ARFGEF2: variants seen among roughly 807,000 people sequenced by gnomAD.
The protein encoded by ARFGEF2 is ARF guanine nucleotide exchange factor 2.
ARFGEF2 carries 74 observed loss-of-function variants against 219.9 expected under a neutral mutation model. The ratio of observed to expected loss-of-function variants is 0.34; its 90% confidence interval spans 0.28 to 0.41. ARFGEF2 has a LOEUF of 0.41. Ranked by LOEUF, ARFGEF2 falls within the 10% of genes least tolerant of loss-of-function variation. The pLI, the probability that ARFGEF2 is intolerant of heterozygous loss-of-function variation, is 1.00. For missense variants in ARFGEF2, 1,743 were observed against 2,218.3 expected (o/e 0.79, Z 4.30); for synonymous variants, 733 against 799.2 (o/e 0.92, Z 1.40).
At chr20:48,998,565 T>G (rs542989409) in intron 25 of ARFGEF2, 60 bp downstream of exon 25, 1 of 1,550,878 alleles carries the variant, frequency 6.4e-7, no homozygotes, top group South Asian at 1.1e-5. Flanking sequence ...GACAACTGAA[T>G]TCAAAAAAAG....
At chr20:48,924,144 T>C (rs1473446310) in intron 1 of ARFGEF2, among the ~76,000 whole-genome samples, 3 of 152,218 alleles carry the variant, frequency 2.0e-5, no homozygotes, top group Non-Finnish European at 4.4e-5. Flanking sequence ...GTAGAACACA[T>C]AGCAGAATGC....
chr20:48,996,535 G>A (rs899109251), intron 23 of ARFGEF2, among the ~76,000 whole-genome samples: 5 of 151,472 alleles, frequency 3.3e-5, no homozygotes, highest in Non-Finnish European at 7.4e-5. Flanking sequence ...TCAGGAAATC[G>A]AGACCATCCT....
chr20:48,943,134 C>T (rs920909530), intron 3 of ARFGEF2, among the ~76,000 whole-genome samples: 1 of 152,170 alleles, frequency 6.6e-6, no homozygotes, highest in Non-Finnish European at 1.5e-5. Flanking sequence ...GCACTAACTA[C>T]ACCACTAAAA....
chr20:48,991,202 C>T lies in ARFGEF2; in HGVS notation c.2973+4C>T, dbSNP rs751382166. 6 of 1,614,172 alleles carry T rather than the reference C, an allele frequency of 3.7e-6. No homozygotes were observed. Among genetic ancestry groups the T allele is most frequent in the South Asian group, 2.2e-5 (2 of 91,078 alleles). ...CCTTGGGAATTCCTGGCATGAGGTA[C>T]GTGTCTCTTTGAATTGCCTTTTCTC... On this transcript the variant is annotated splice_donor_region_variant and intron_variant, in intron 21 of 38. Coordinates refer to ENST00000371917, the MANE Select transcript of ARFGEF2 (RefSeq NM_006420.3).
intron 29 of ARFGEF2, 57 bp from the exon 30 acceptor site, chr20:49,013,773 TC>T: frequency 6.2e-7 from 1 of 1,614,060 alleles, no homozygotes; most frequent in Non-Finnish European, 8.5e-7. Context: ...CCCACTCTCT[TC>T]TCTGTTGTTC....
chr20:48,962,705 T>G (rs994273446), intron 6 of ARFGEF2, among the ~76,000 whole-genome samples: 1 of 152,162 alleles, frequency 6.6e-6, no homozygotes, highest in African/African-American at 2.4e-5. Context: ...CCACACGAAT[T>G]TACTTTGCCA....
chr20:49,026,220 A>G (rs2091601317), intron 36 of ARFGEF2, among the ~76,000 whole-genome samples: 1 of 151,822 alleles, frequency 6.6e-6, no homozygotes, highest in Admixed American at 6.6e-5. Context: ...CACACACCAT[A>G]CTCAGGAGGC....
intron 6 of ARFGEF2, among the ~76,000 whole-genome samples, chr20:48,959,532 TCCCTCCCTCTG>T (rs2091130623): frequency 5.1e-5 from 3 of 58,610 alleles, no homozygotes; most frequent in Admixed American, 1.8e-4. Flanking sequence ...CCTCTTTCCC[TCCCTCCCTCTG>T]TCCCTCCTTC....
chr20:49,026,863 G>C (rs2091606989), intron 36 of ARFGEF2, among the ~76,000 whole-genome samples: 1 of 152,068 alleles, frequency 6.6e-6, no homozygotes, highest in Non-Finnish European at 1.5e-5. Context: ...TAGGATTACA[G>C]GCATGAGCCA....
At chr20:48,974,465 C>T (rs1262094716) in intron 12 of ARFGEF2, among the ~76,000 whole-genome samples, 1 of 152,036 alleles carries the variant, frequency 6.6e-6, no homozygotes, top group Non-Finnish European at 1.5e-5. Context: ...TTTTTAATCA[C>T]ATAAGCAATG....
intron 27 of ARFGEF2, 134 bp from the exon 28 acceptor site, chr20:49,011,790 C>T (rs2091499937): frequency 3.7e-6 from 4 of 1,090,454 alleles, no homozygotes; most frequent in Non-Finnish European, 5.6e-6. Context: ...AAGATACTGA[C>T]ATGCTTTTCT....
At chr20:48,968,577 G>C (rs1305785740) in intron 8 of ARFGEF2, among the ~76,000 whole-genome samples, 1 of 151,362 alleles carries the variant, frequency 6.6e-6, no homozygotes, top group Non-Finnish European at 1.5e-5. Context: ...GGCCAAGTTG[G>C]TCTGGAACTC....
intron 35 of ARFGEF2, 77 bp downstream of exon 35, chr20:49,023,258 G>A: frequency 6.4e-7 from 1 of 1,567,102 alleles, no homozygotes; most frequent in Non-Finnish European, 8.7e-7. Flanking sequence ...GCGGAAGCCA[G>A]CTTGTACTGG....
chr20:49,014,075 A>G, intron 30 of ARFGEF2, 115 bp downstream of exon 30: 1 of 1,405,790 alleles, frequency 7.1e-7, no homozygotes, highest in South Asian at 1.2e-5. Flanking sequence ...ATACTGAGCA[A>G]CTTAAGGTTT....
At chr20:48,938,967 G>GTTTTTTTTTTTTTTTTTTTTT (rs199950635) in intron 1 of ARFGEF2, among the ~76,000 whole-genome samples, 2 of 143,112 alleles carry the variant, frequency 1.4e-5, no homozygotes, top group Non-Finnish European at 1.5e-5. Context: ...TGTTTTATGG[G>GTTTTTTTTTTTTTTTTTTTTT]TTTTTTTTGT....
intron 25 of ARFGEF2, among the ~76,000 whole-genome samples, chr20:49,003,820 G>A (rs1489118931): frequency 6.6e-6 from 1 of 152,040 alleles, no homozygotes; most frequent in Non-Finnish European, 1.5e-5. Context: ...GTTCCTAAAA[G>A]TAGGCAAACC....
intron 34 of ARFGEF2, among the ~76,000 whole-genome samples, chr20:49,021,844 CA>C (rs71337480): frequency 2.2e-3 from 246 of 110,128 alleles, no homozygotes; most frequent in African/African-American, 3.1e-3. Flanking sequence ...GACTCTGTCT[CA>C]AAAAAAAAAA....
chr20:49,012,220 A>G (rs2091504136), intron 28 of ARFGEF2, 136 bp downstream of exon 28: 1 of 1,163,640 alleles, frequency 8.6e-7, no homozygotes, highest in Non-Finnish European at 1.2e-6. Context: ...TGTTTATTTC[A>G]AAATGCTGCC....
intron 6 of ARFGEF2, among the ~76,000 whole-genome samples, chr20:48,955,862 C>T (rs1290569242): frequency 2.0e-5 from 3 of 152,200 alleles, no homozygotes; most frequent in African/African-American, 7.2e-5. Flanking sequence ...CACTTGAGGC[C>T]AGGAGTTTGA....
Sources: allele counts gnomAD v4.1 joint callset (sites outside exome capture counted in the v4.1 genomes callset), GRCh38; gene constraint gnomAD v4.1.1; transcripts MANE v1.5; gene names NCBI Gene and HGNC (gene_info 2026-07-23, HGNC 2026-07-21).